The following FRYL variants were observed in gnomAD, a reference collection of about 807,000 sequenced individuals.
The protein encoded by FRYL is protein furry homolog-like.
A neutral mutation model predicts 351.2 loss-of-function variants in FRYL; 150 were observed. The observed-to-expected ratio is 0.43, with a 90% confidence interval of 0.37 to 0.49. The LOEUF (loss-of-function observed/expected upper bound fraction) is 0.49, where lower values mean the gene tolerates loss of function less well. FRYL is among the 20% of genes least tolerant of loss of function. The probability of loss-of-function intolerance (pLI) is 0.00; values close to 1 mark genes in which losing one functional copy is unlikely to be tolerated. For synonymous variants in FRYL, 1,153 were observed against 1,257.1 expected, an observed-to-expected ratio of 0.92 and a Z score of 1.75; for missense variants, 3,036 against 3,619.3, an observed-to-expected ratio of 0.84 and a Z score of 4.13.
intron 1 of FRYL, among the ~76,000 whole-genome samples, chr4:48,756,755 C>G (rs1456181561): frequency 6.6e-6 from 1 of 152,122 alleles, no homozygotes; most frequent in African/African-American, 2.4e-5. Context: ...CAAGACCAGC[C>G]TAGGCAACAC....
chr4:48,547,811 AAT>A (rs1178370165), intron 40 of FRYL, 42 bp from the exon 41 acceptor site: 1 of 1,293,416 alleles, frequency 7.7e-7, no homozygotes, highest in South Asian at 2.1e-5. Flanking sequence ...AAAGAGAAAT[AAT>A]GAGTATTCTT....
intron 1 of FRYL, among the ~76,000 whole-genome samples, chr4:48,745,255 A>G (rs1772538949): frequency 6.6e-6 from 1 of 152,232 alleles, no homozygotes; most frequent in African/African-American, 2.4e-5. Flanking sequence ...ATTACTGGGT[A>G]TATACCCAAA....
rs1365903574 is a variant in FRYL, at chr4:48,723,195, T to C, written c.-383-12497A>G. 3.9e-5 allele frequency among the ~76,000 whole-genome samples: 6 copies of C among 152,122 alleles called. No homozygotes were observed. The East Asian group carries it at 7.7e-4, about 20-fold the overall frequency. On this transcript the variant is annotated intron_variant, in intron 1 of 63. Coordinates refer to ENST00000358350, the MANE Select transcript of FRYL (RefSeq NM_015030.2). ...TCTTGCTTTGTCACCCAGGCTGGAG[T>C]GCAGTGGTGTGATCACAGCTCACTG...
At chr4:48,645,017 T>C (rs1267282675) in intron 3 of FRYL, among the ~76,000 whole-genome samples, 4 of 150,010 alleles carry the variant, frequency 2.7e-5, no homozygotes, top group African/African-American at 4.9e-5. Context: ...AAGATATACA[T>C]AAGCAATTCA....
intron 1 of FRYL, among the ~76,000 whole-genome samples, chr4:48,770,467 C>T (rs182088327): frequency 2.0e-5 from 3 of 151,178 alleles, no homozygotes; most frequent in Admixed American, 6.6e-5. Flanking sequence ...GACAGAGTTT[C>T]GCTCTTGTTG....
intron 1 of FRYL, among the ~76,000 whole-genome samples, chr4:48,739,829 T>G (rs769935859): frequency 3.3e-5 from 5 of 152,130 alleles, no homozygotes; most frequent in Non-Finnish European, 4.4e-5. Flanking sequence ...CTCACCAAAA[T>G]TCTTGGATTA....
chr4:48,590,737 G>A lies in FRYL; in HGVS notation c.1429C>T (p.Leu477Phe). The change falls in exon 17 of 64, where the codon CTT becomes TTT. Residue 477 changes from leucine to phenylalanine, a missense_variant. By Grantham distance (22) the Leu-to-Phe change is conservative. This residue lies in a region of FRYL where 457 missense variants were observed against 566.6 expected (regional missense o/e 0.81). Transcript: ENST00000358350. The part of the protein sequence containing the change: ...EPPMPTTGVI[L>F]PSGNTLRVKK... ...ACACGAAGAGTATTTCCTGAGGGAA[G>A]AATAACTCCTGTTGTTGGCATGGGT... is the stretch of plus-strand genomic sequence containing the variant. The A allele has an allele frequency of 6.2e-7, 1 of 1,613,028 alleles. No homozygotes were observed. The highest frequency in any genetic ancestry group is 8.5e-7 in the Non-Finnish European group (1 of 1,179,126).
At chr4:48,667,277 C>G (rs1347366275) in intron 3 of FRYL, among the ~76,000 whole-genome samples, 1 of 152,058 alleles carries the variant, frequency 6.6e-6, no homozygotes, top group African/African-American at 2.4e-5. Context: ...CAGGTCCATA[C>G]AACAAAATAA....
Position 48,674,736 on chromosome 4 carries a change from C to CAAAAAAAAAAAAAAAAAAAAAAAAA in FRYL, c.-81+9936_-81+9937insTTTTTTTTTTTTTTTTTTTTTTTTT, listed in dbSNP as rs58696045. On this transcript the variant is annotated intron_variant, in intron 3 of 63. Coordinates refer to ENST00000358350, the MANE Select transcript of FRYL (RefSeq NM_015030.2). ...AGGGCGACAGAGCAAGACTCTGTCT[C>CAAAAAAAAAAAAAAAAAAAAAAAAA]AAAAAAAAAAAAAAAAAAAAATAGC... Among the ~76,000 whole-genome samples the CAAAAAAAAAAAAAAAAAAAAAAAAA allele has an allele frequency of 3.6e-5, 2 of 55,772 alleles. 1 individual carries two copies. The highest frequency in any genetic ancestry group is 5.8e-5 in the Non-Finnish European group (2 of 34,492). The allele number at this position is 55,772 out of a possible 152,430, so 36.6% of individuals were successfully genotyped here. A position where few individuals can be genotyped will look rare whatever the true frequency, so the allele number is the denominator to read the frequency against.
intron 1 of FRYL, among the ~76,000 whole-genome samples, chr4:48,717,222 T>C (rs1768961804): frequency 6.6e-6 from 1 of 150,992 alleles, no homozygotes; most frequent in African/African-American, 2.4e-5. Flanking sequence ...TGTATACATA[T>C]GTAACTAACC....
intron 49 of FRYL, among the ~76,000 whole-genome samples, chr4:48,531,723 A>C (rs1727683853): frequency 6.6e-6 from 1 of 152,198 alleles, no homozygotes; most frequent in Admixed American, 6.5e-5. Flanking sequence ...TAGCTTTGAG[A>C]CTCTAAAATT....
Position 48,543,790 on chromosome 4 carries a change from AG to A in FRYL, c.5592+16del, listed in dbSNP as rs1396024151. 6.2e-7 allele frequency: 1 copy of A among 1,605,942 alleles called. No homozygotes were observed. The highest frequency in any genetic ancestry group is 1.7e-5 in the Admixed American group (1 of 59,008). The stretch of plus-strand genomic sequence containing the variant: ...TAGTAGCTGCTCAATAACTGCTGAA[AG>A]AATATAAGGAAATACCTGTGCATCT... On this transcript the variant is annotated intron_variant, in intron 44 of 63. Coordinates refer to ENST00000358350, the MANE Select transcript of FRYL (RefSeq NM_015030.2).
intron 15 of FRYL, among the ~76,000 whole-genome samples, chr4:48,594,421 T>C (rs1278552020): frequency 6.6e-6 from 1 of 152,146 alleles, no homozygotes; most frequent in East Asian, 1.9e-4. Flanking sequence ...GGAAGTTAAC[T>C]AATTAGATTA....
At chr4:48,582,126 G>A (rs187443892) in intron 20 of FRYL, among the ~76,000 whole-genome samples, 180 of 152,286 alleles carry the variant, frequency 1.2e-3, no homozygotes, top group African/African-American at 4.1e-3. Flanking sequence ...AAGGAGCACA[G>A]TTACTGTCTA....
At chr4:48,627,172 T>A (rs1752002914) in intron 4 of FRYL, among the ~76,000 whole-genome samples, 1 of 152,196 alleles carries the variant, frequency 6.6e-6, no homozygotes, top group South Asian at 2.1e-4. Context: ...AAAGTGACTA[T>A]ATTGAAAAAT....
chr4:48,552,244 G>GGTGTGTGTGTGTGTGTGTGTGTGTGTGT (rs67155390), intron 36 of FRYL, among the ~76,000 whole-genome samples: 2 of 145,244 alleles, frequency 1.4e-5, no homozygotes, highest in African/African-American at 5.2e-5. Flanking sequence ...AGTCCAAAGG[G>GGTGTGTGTGTGTGTGTGTGTGTGTGTGT]GTGTGTGTGT....
chr4:48,645,287 T>C (rs1032610474), intron 3 of FRYL, among the ~76,000 whole-genome samples: 4 of 151,662 alleles, frequency 2.6e-5, no homozygotes, highest in African/African-American at 9.7e-5. Flanking sequence ...GAAGGTGTTC[T>C]TACAAAAGAT....
At chr4:48,675,024 A>G (rs2149518318) in intron 3 of FRYL, among the ~76,000 whole-genome samples, 1 of 152,256 alleles carries the variant, frequency 6.6e-6, no homozygotes, top group East Asian at 1.9e-4. Flanking sequence ...TACATCAGCT[A>G]TGACTTCAAG....
In FRYL at chr4:48,671,874, A is replaced by AC. The variant is rs1762797736; in HGVS notation, c.-81+12798_-81+12799insG. Among the ~76,000 whole-genome samples, 2 of 23,008 alleles carry AC rather than the reference A, an allele frequency of 8.7e-5. 1 individual carries two copies. The highest frequency in any genetic ancestry group is 1.7e-4 in the Non-Finnish European group (2 of 11,880). The allele number at this position is 23,008 out of a possible 152,430, so 15.1% of individuals were successfully genotyped here. On this transcript the variant is annotated intron_variant, in intron 3 of 63. Coordinates refer to ENST00000358350, the MANE Select transcript of FRYL (RefSeq NM_015030.2). The stretch of plus-strand genomic sequence containing the variant: ...TCTCAAAAACAAAAAAAAAAAAAAC[A>AC]AAAAAAAAAAAAAAAAAGAAGGAAA...
Sources: allele counts gnomAD v4.1 joint callset (sites outside exome capture counted in the v4.1 genomes callset), GRCh38; gene constraint gnomAD v4.1.1; regional missense constraint gnomAD v4.1.1; transcripts MANE v1.5; gene names NCBI Gene and HGNC (gene_info 2026-07-23, HGNC 2026-07-21).